PARP16: variants seen among roughly 807,000 people sequenced by gnomAD.
PARP16 encodes the protein poly(ADP-ribose) polymerase family member 16, also known as protein mono-ADP-ribosyltransferase PARP16.
In PARP16, 31 loss-of-function variants were observed where a neutral mutation model predicts 35.0. The observed-to-expected ratio is 0.88, with a 90% CI of 0.66 to 1.19. The LOEUF (loss-of-function observed/expected upper bound fraction) is 1.19, where lower values mean the gene tolerates loss of function less well. Ranked by LOEUF, PARP16 falls within the 50% of genes most tolerant of loss-of-function variation. The pLI, the probability that PARP16 is intolerant of heterozygous loss-of-function variation, is 0.00. For synonymous variants in PARP16, 162 were observed against 169.5 expected (o/e 0.96, Z 0.34); for missense variants, 424 against 411.2 (o/e 1.03, Z -0.27).
At chr15:65,286,181 G>A in intron 1 of PARP16, 72 bp downstream of exon 1, 1 of 1,235,592 alleles carries the variant, frequency 8.1e-7, no homozygotes, top group East Asian at 2.9e-5. Context: ...GGATGGAACT[G>A]CCTCTACCTG....
intron 1 of PARP16, among the ~76,000 whole-genome samples, chr15:65,279,630 TG>T (rs2090358336): frequency 6.6e-6 from 1 of 152,200 alleles, no homozygotes; most frequent in African/African-American, 2.4e-5. Context: ...AAAGGTAATC[TG>T]AGAGATCAAG....
intron 1 of PARP16, chr15:65,285,555 G>T: frequency 2.7e-6 from 1 of 373,796 alleles, no homozygotes; most frequent in Admixed American, 2.7e-5. Context: ...AAGGAAGGGA[G>T]ACTGCCACAC....
At chr15:65,263,456 AG>A in intron 3 of PARP16, 136 bp from the exon 4 acceptor site, 4 of 627,448 alleles carry the variant, frequency 6.4e-6, no homozygotes, top group Non-Finnish European at 1.1e-5. Context: ...AGCAAGACAC[AG>A]GATCAAATAA....
intron 3 of PARP16, among the ~76,000 whole-genome samples, chr15:65,240,112 A>C (rs34896071): frequency 0.73 from 110,940 of 151,196 alleles, 41,526 homozygotes; most frequent in East Asian, 1. Flanking sequence ...TACAGGCATG[A>C]ACCACGACAT....
intron 3 of PARP16, among the ~76,000 whole-genome samples, chr15:65,239,770 C>G (rs2088999486): frequency 6.6e-6 from 1 of 150,838 alleles, no homozygotes; most frequent in African/African-American, 2.4e-5. Context: ...CATTCTCCTG[C>G]CTCAGCCTCC....
At chr15:65,270,040 G>A (rs946574204) in intron 2 of PARP16, among the ~76,000 whole-genome samples, 3 of 152,158 alleles carry the variant, frequency 2.0e-5, no homozygotes, top group Admixed American at 6.5e-5. Flanking sequence ...ACAGAAGAAT[G>A]TCCCTTAGAT....
chr15:65,260,942 T>C lies in PARP16; in HGVS notation c.776A>G (p.Asn259Ser), dbSNP rs762932743. 5.0e-6 allele frequency: 8 copies of C among 1,614,080 alleles called. No homozygotes were observed. Among genetic ancestry groups the C allele is most frequent in the Admixed American group, 1.7e-5 (1 of 60,032 alleles). Residue 259 changes from asparagine to serine, a missense_variant, in exon 5 of 6, where the codon AAT becomes AGT. By Grantham distance (46) the Asn-to-Ser change is conservative. Coordinates refer to ENST00000649807, the MANE Select transcript of PARP16 (RefSeq NM_001316943.2). ...GTACTTCACTCGCAGCAGCTGGTTA[T>C]TGGTGACCACGAAGTACTTGGGAGG... Reference protein sequence around the residue: ...DIPPKYFVVTNNQLLRVKYLL... With the variant: ...DIPPKYFVVTSNQLLRVKYLL...
intron 5 of PARP16, among the ~76,000 whole-genome samples, chr15:65,260,596 A>AG (rs2089677903): frequency 6.6e-6 from 1 of 152,136 alleles, no homozygotes; most frequent in Non-Finnish European, 1.5e-5. Context: ...CATGGGCCTA[A>AG]TGGCTAAGGG....
chr15:65,277,750 A>C (rs972086603), intron 1 of PARP16, among the ~76,000 whole-genome samples: 6 of 152,214 alleles, frequency 3.9e-5, no homozygotes, highest in Non-Finnish European at 8.8e-5. Context: ...CCAAAGGAAC[A>C]ATTCTGGCAG....
At chr15:65,249,189 G>A (rs2089290508) in intron 2 of PARP16, among the ~76,000 whole-genome samples, 1 of 152,206 alleles carries the variant, frequency 6.6e-6, no homozygotes, top group Admixed American at 6.5e-5. Flanking sequence ...GGAATTAAAG[G>A]CCAGTGTTCT....
intron 3 of PARP16, among the ~76,000 whole-genome samples, chr15:65,242,958 G>A (rs7182061): frequency 0.014 from 2,114 of 151,998 alleles, 44 homozygotes; most frequent in African/African-American, 0.043. Flanking sequence ...CAGGTGATCC[G>A]CCCACCTCAG....
At chr15:65,253,511 T>G (rs1258175441), downstream of PARP16, among the ~76,000 whole-genome samples, 2 of 151,364 alleles carry the variant, frequency 1.3e-5, no homozygotes, top group Non-Finnish European at 2.9e-5. Flanking sequence ...TTTGTATTTT[T>G]AGTAGAGACG....
chr15:65,281,587 A>T (rs1273051598), intron 1 of PARP16, among the ~76,000 whole-genome samples: 2 of 151,954 alleles, frequency 1.3e-5, no homozygotes, highest in African/African-American at 2.4e-5. Flanking sequence ...ACTACTAGGG[A>T]GACTGAGGCA....
chr15:65,240,090 A>G (rs931190221), intron 3 of PARP16, among the ~76,000 whole-genome samples: 2 of 151,076 alleles, frequency 1.3e-5, no homozygotes, highest in Admixed American at 6.6e-5. Context: ...CTGCCTCCCA[A>G]GTAGCTGGGA....
At chr15:65,275,438 G>A (rs1359284473) in intron 1 of PARP16, among the ~76,000 whole-genome samples, 6 of 152,062 alleles carry the variant, frequency 3.9e-5, no homozygotes, top group African/African-American at 1.5e-4. Context: ...ATACATAATT[G>A]GGATAATATC....
chr15:65,267,792 G>C (rs1404665657), intron 2 of PARP16, among the ~76,000 whole-genome samples: 3 of 131,956 alleles, frequency 2.3e-5, no homozygotes, highest in Admixed American at 9.0e-5. Flanking sequence ...GGTTTTTTAA[G>C]CAATTCTCTG....
intron 2 of PARP16, among the ~76,000 whole-genome samples, chr15:65,269,174 T>TCTCTCTCTCTC (rs60229565): frequency 0.016 from 2,354 of 146,808 alleles, 38 homozygotes; most frequent in African/African-American, 0.032. Flanking sequence ...TTTAGTCGGT[T>TCTCTCTCTCTC]TTTTTCTTTC....
At chr15:65,277,452 AAG>A (rs2090291975) in intron 1 of PARP16, among the ~76,000 whole-genome samples, 1 of 152,264 alleles carries the variant, frequency 6.6e-6, no homozygotes, top group African/African-American at 2.4e-5. Flanking sequence ...GCATGAAGTT[AAG>A]AACAAAAGAG....
rs553169962 is a variant in PARP16, at chr15:65,281,318, C to T, written c.174+4935G>A. On this transcript the variant is annotated intron_variant, in intron 1 of 5. Transcript: ENST00000649807. ...ATCCTGAGCCTGGGTATTCAGCACA[C>T]GCACAATGTGATTCCTCAAACATTT... Among the ~76,000 whole-genome samples, 10 of 152,266 alleles carry T rather than the reference C, an allele frequency of 6.6e-5. No homozygotes were observed. The South Asian group carries it at 8.3e-4, about 13-fold the overall frequency.
Sources: allele counts gnomAD v4.1 joint callset (sites outside exome capture counted in the v4.1 genomes callset), GRCh38; gene constraint gnomAD v4.1.1; transcripts MANE v1.5; gene names NCBI Gene and HGNC (gene_info 2026-07-23, HGNC 2026-07-21).